Variants in NSUN2 observed in about 807,000 individuals in gnomAD.
NSUN2 encodes the protein NOP2/Sun RNA methyltransferase 2.
In NSUN2, 63 loss-of-function variants were observed where a neutral mutation model predicts 92.7. The observed-to-expected ratio is 0.68, with a 90% confidence interval of 0.56 to 0.84. The LOEUF (loss-of-function observed/expected upper bound fraction) is 0.84, where lower values mean the gene tolerates loss of function less well. Among genes scored for constraint, NSUN2 ranks in the 40% least tolerant of loss-of-function variants. NSUN2 has a pLI of 0.00. For synonymous variants in NSUN2, 356 were observed against 348.3 expected, an observed-to-expected ratio of 1.02 and a Z score of -0.25; for missense variants, 989 against 964.9, an observed-to-expected ratio of 1.02 and a Z score of -0.33.
At chr5:6,613,276 A>G (rs1215342462) in intron 9 of NSUN2, among the ~76,000 whole-genome samples, 2 of 152,274 alleles carry the variant, frequency 1.3e-5, no homozygotes, top group Non-Finnish European at 2.9e-5. Flanking sequence ...CAACACAATC[A>G]AAACTATTCA....
At chr5:6,603,560 G>A (rs539129791) in intron 17 of NSUN2, among the ~76,000 whole-genome samples, 10 of 152,276 alleles carry the variant, frequency 6.6e-5, no homozygotes, top group South Asian at 2.1e-4. Flanking sequence ...GCGTGGTGGC[G>A]GGTGCTTGTA....
Position 6,632,885 on chromosome 5 carries a change from G to C in NSUN2, c.95C>G (p.Ala32Gly), listed in dbSNP as rs775253220. 5 of 1,531,678 alleles carry C rather than the reference G, an allele frequency of 3.3e-6. No homozygotes were observed. The highest frequency in any genetic ancestry group is 4.4e-6 in the Non-Finnish European group (5 of 1,144,276). 94.9% of individuals were successfully genotyped at this position (1,531,678 alleles called of 1,614,324 possible). ...GAEGGGKRGE[A>G]GWEGGYPEIV... ...CGCCCGCCGGGTCCCGGCTCCTACC[G>C]CCTCGCCGCGCTTTCCACCACCCTC... The change falls in exon 1 of 19, where the codon GCG becomes GGG. Residue 32 changes from alanine to glycine, a missense_variant and splice_region_variant. Coordinates refer to ENST00000264670, the MANE Select transcript of NSUN2 (RefSeq NM_017755.6).
intron 18 of NSUN2, among the ~76,000 whole-genome samples, chr5:6,601,240 T>C (rs1736543576): frequency 6.6e-6 from 1 of 152,116 alleles, no homozygotes; most frequent in Admixed American, 6.5e-5. Flanking sequence ...TGTTTAAATA[T>C]GGAAAAGTGA....
Position 6,603,914 on chromosome 5 carries a change from G to A in NSUN2, c.1957+224C>T, listed in dbSNP as rs562315636. The A allele has an allele frequency of 1.7e-5, 8 of 474,194 alleles. No individual in the cohort carries two copies. In the East Asian group the frequency reaches 2.8e-4, roughly 17 times the overall value. 29.4% of individuals were successfully genotyped at this position (474,194 alleles called of 1,614,324 possible). A position where few individuals can be genotyped will look rare whatever the true frequency, so the allele number is the denominator to read the frequency against. The stretch of plus-strand genomic sequence containing the variant: ...ACCACAGGCTGCTGGGCAGCAGCAG[G>A]GCACCACCAGAGCCTGGGGAAGTAC... On this transcript the variant is annotated intron_variant, in intron 17 of 18. Transcript: ENST00000264670.
At chr5:6,609,053 G>A (rs1736888986) in intron 12 of NSUN2, among the ~76,000 whole-genome samples, 1 of 152,144 alleles carries the variant, frequency 6.6e-6, no homozygotes, top group Non-Finnish European at 1.5e-5. Flanking sequence ...CACAAACCGT[G>A]CCCCAGAAAA....
intron 17 of NSUN2, 74 bp downstream of exon 17, chr5:6,604,064 G>T: frequency 7.4e-7 from 1 of 1,346,690 alleles, no homozygotes; most frequent in Non-Finnish European, 1.0e-6. Flanking sequence ...ATGCCCCAAC[G>T]CACACCACCT....
At position 6,610,994 on chromosome 5, in the gene NSUN2, T is replaced by C; in HGVS notation, c.1187A>G (p.Lys396Arg). Residue 396 changes from lysine to arginine, a missense_variant, in exon 11 of 19, where the codon AAG becomes AGG. By Grantham distance (26) the Lys-to-Arg change is conservative (BLOSUM62 2). Transcript: ENST00000264670. ...TQIRPTMFPP[K>R]DPEKLQAMHL... is the part of the protein sequence containing the mutation. Reference sequence around the variant, plus strand: ...CATGGCCTGCAGCTTTTCTGGGTCCTTCGGAGGGAACATGGTAGGTCGGAT... The same window carrying C: ...CATGGCCTGCAGCTTTTCTGGGTCCCTCGGAGGGAACATGGTAGGTCGGAT... 1 of 1,614,176 alleles carries C rather than the reference T, an allele frequency of 6.2e-7. No individual in the cohort carries two copies. The highest frequency in any genetic ancestry group is 8.5e-7 in the Non-Finnish European group (1 of 1,180,024).
At chr5:6,600,970 G>A (rs896110877) in intron 18 of NSUN2, among the ~76,000 whole-genome samples, 1 of 152,144 alleles carries the variant, frequency 6.6e-6, no homozygotes, top group Admixed American at 6.5e-5. Context: ...AGAGATGGAC[G>A]CCACCATTTC....
intron 3 of NSUN2, among the ~76,000 whole-genome samples, chr5:6,627,233 T>C (rs549374075): frequency 1.3e-5 from 2 of 152,222 alleles, no homozygotes; most frequent in African/African-American, 2.4e-5. Context: ...TTGGACTCAT[T>C]AGAGGCGAAA....
At chr5:6,625,222 C>A (rs1297300178) in intron 4 of NSUN2, among the ~76,000 whole-genome samples, 2 of 152,154 alleles carry the variant, frequency 1.3e-5, no homozygotes, top group African/African-American at 4.8e-5. Flanking sequence ...AAACATACTA[C>A]TTTTTATGTA....
chr5:6,611,172 G>A, intron 10 of NSUN2, 87 bp from the exon 11 acceptor site: 1 of 1,390,742 alleles, frequency 7.2e-7, no homozygotes, highest in Non-Finnish European at 1.0e-6. Flanking sequence ...TTCTCTCAAA[G>A]GTGACAAATG....
At chr5:6,626,336 T>A (rs1479445193) in intron 3 of NSUN2, among the ~76,000 whole-genome samples, 1 of 151,604 alleles carries the variant, frequency 6.6e-6, no homozygotes, top group Non-Finnish European at 1.5e-5. Context: ...ATTTTTTTTA[T>A]TTTTTTTAAT....
intron 9 of NSUN2, 87 bp from the exon 10 acceptor site, chr5:6,611,885 ATAT>A (rs1351104653): frequency 1.7e-4 from 183 of 1,108,730 alleles, no homozygotes; most frequent in Non-Finnish European, 7.8e-5. Context: ...CACAGATCAC[ATAT>A]TATATGATTC....
In NSUN2 at chr5:6,600,228, G is replaced by A; in HGVS notation, c.2002C>T (p.Pro668Ser). The part of the protein sequence containing the change: ...VLKYEPDSAN[P>S]DALQCPIVLC... ...ACGATGGGACACTGCAGAGCGTCTG[G>A]ATTCCTACAAGTGAAAGTGGCTTCA... The change falls in exon 19 of 19, where the codon CCA becomes TCA. Residue 668 changes from proline (P) to serine (S), a missense_variant. Coordinates refer to ENST00000264670, the MANE Select transcript of NSUN2 (RefSeq NM_017755.6). The A allele has an allele frequency of 6.2e-7, 1 of 1,611,618 alleles. No individual in the cohort carries two copies. The highest frequency in any genetic ancestry group is 8.5e-7 in the Non-Finnish European group (1 of 1,178,168).
intron 9 of NSUN2, among the ~76,000 whole-genome samples, chr5:6,614,665 G>A (rs914937936): frequency 5.9e-5 from 9 of 152,182 alleles, no homozygotes; most frequent in African/African-American, 2.2e-4. Flanking sequence ...CAGGAAATGG[G>A]TGAGGGTGGC....
chr5:6,608,113 G>C (rs1490953924), intron 12 of NSUN2, among the ~76,000 whole-genome samples: 1 of 152,204 alleles, frequency 6.6e-6, no homozygotes, highest in Non-Finnish European at 1.5e-5. Context: ...CAAAGCTACT[G>C]AGCAGAGAAG....
At chr5:6,617,509 A>G (rs1162214906) in intron 8 of NSUN2, among the ~76,000 whole-genome samples, 2 of 152,242 alleles carry the variant, frequency 1.3e-5, no homozygotes, top group African/African-American at 4.8e-5. Context: ...GTGTTATGAG[A>G]TTTCTCTTTA....
chr5:6,612,258 C>T (rs986628796), intron 9 of NSUN2, among the ~76,000 whole-genome samples: 6 of 152,220 alleles, frequency 3.9e-5, no homozygotes, highest in African/African-American at 9.7e-5. Context: ...ACGCCTGCTC[C>T]GTCTCCCCAT....
chr5:6,623,872 C>T (rs1427678909), intron 4 of NSUN2, among the ~76,000 whole-genome samples: 5 of 152,144 alleles, frequency 3.3e-5, no homozygotes, highest in Admixed American at 6.5e-5. Context: ...CTTCTCTAGT[C>T]GGCCAGGACA....
Sources: allele counts gnomAD v4.1 joint callset (sites outside exome capture counted in the v4.1 genomes callset), GRCh38; gene constraint gnomAD v4.1.1; transcripts MANE v1.5; gene names NCBI Gene and HGNC (gene_info 2026-07-23, HGNC 2026-07-21).